EDEM2: variants seen among roughly 807,000 people sequenced by gnomAD.
EDEM2 encodes the protein ER degradation enhancing alpha-mannosidase like protein 2.
Under a neutral mutation model 64.8 loss-of-function variants are expected in EDEM2, and 39 were observed. That is an observed-to-expected ratio of 0.60 (90% CI 0.47 to 0.79). The LOEUF (loss-of-function observed/expected upper bound fraction) is 0.79, where lower values mean the gene tolerates loss of function less well. EDEM2 is among the 30% of genes least tolerant of loss of function. The pLI is 0.00. For missense variants in EDEM2, 609 were observed against 731.3 expected (o/e 0.83, Z 1.93); for synonymous variants, 296 against 291.5 (o/e 1.02, Z -0.16).
intron 2 of EDEM2, among the ~76,000 whole-genome samples, chr20:35,145,911 A>G (rs2085723606): frequency 6.7e-6 from 1 of 150,192 alleles, no homozygotes; most frequent in Admixed American, 6.7e-5. Flanking sequence ...CTGAGGCAGG[A>G]GAATCGCTTG....
chr20:35,125,750 A>G (rs769905307), intron 8 of EDEM2, among the ~76,000 whole-genome samples: 5 of 152,132 alleles, frequency 3.3e-5, no homozygotes, highest in Non-Finnish European at 5.9e-5. Context: ...TTTTTCTTAA[A>G]ACTTTTAAAA....
intron 5 of EDEM2, among the ~76,000 whole-genome samples, chr20:35,136,257 AAATG>A (rs2085574539): frequency 6.6e-6 from 1 of 152,204 alleles, no homozygotes; most frequent in African/African-American, 2.4e-5. Context: ...TTTTTTTATA[AAATG>A]ACCAATGACC....
rs147192518 is a variant in EDEM2, at chr20:35,127,171, G to A, written c.845-796C>T. ...CTGCACCATGTAAGATGTGCCTTTC[G>A]CCTTCCGCCACGATTGTGAGGCCTC... On this transcript the variant is annotated intron_variant, in intron 7 of 10. Coordinates refer to ENST00000374492, the MANE Select transcript of EDEM2 (RefSeq NM_018217.3). Among the ~76,000 whole-genome samples the A allele has an allele frequency of 6.5e-3, 995 of 152,178 alleles. 5 individuals carry two copies. The highest frequency in any genetic ancestry group is 0.023 in the African/African-American group (935 of 41,504).
intron 9 of EDEM2, among the ~76,000 whole-genome samples, chr20:35,119,316 C>A (rs1395764692): frequency 2.0e-5 from 3 of 152,152 alleles, no homozygotes; most frequent in Admixed American, 1.3e-4. Flanking sequence ...GCAGGCCAGG[C>A]ATGGTGGGTG....
At chr20:35,121,531 C>T (rs1419084141) in intron 9 of EDEM2, among the ~76,000 whole-genome samples, 6 of 152,210 alleles carry the variant, frequency 3.9e-5, no homozygotes, top group Non-Finnish European at 2.9e-5. Context: ...TTGTACCGGT[C>T]CACGGCCTGG....
At chr20:35,143,339 GTC>G (rs1297997405) in intron 3 of EDEM2, among the ~76,000 whole-genome samples, 1 of 152,160 alleles carries the variant, frequency 6.6e-6, no homozygotes, top group Non-Finnish European at 1.5e-5. Flanking sequence ...ATGGCTTTTA[GTC>G]TCTCTCTTTC....
chr20:35,118,820 A>G (rs2085337706), intron 9 of EDEM2, 101 bp from the exon 10 acceptor site: 5 of 1,512,640 alleles, frequency 3.3e-6, no homozygotes, highest in African/African-American at 1.4e-5. Flanking sequence ...TATCTTGTCC[A>G]TAAGGCCCCA....
At chr20:35,145,681 T>C (rs2085719708) in intron 2 of EDEM2, among the ~76,000 whole-genome samples, 1 of 152,138 alleles carries the variant, frequency 6.6e-6, no homozygotes, top group African/African-American at 2.4e-5. Flanking sequence ...GTGACAGAAG[T>C]GTTTCATATC....
In EDEM2 at chr20:35,115,528, G is replaced by C. The variant is rs1054777708; in HGVS notation, c.1642C>G (p.Pro548Ala). 2 of 1,614,030 alleles carry C rather than the reference G, an allele frequency of 1.2e-6. No individual in the cohort carries two copies. The highest frequency in any genetic ancestry group is 1.7e-5 in the Admixed American group (1 of 60,004). ...AGAAGTGGGACCTTCTGTTTGGCAGGCTTCCTCTCCCTTGCCTGGTCATGG... is the reference window on the plus strand; with the variant it reads ...AGAAGTGGGACCTTCTGTTTGGCAGCCTTCCTCTCCCTTGCCTGGTCATGG... ...ENHDQARERK[P>A]AKQKVPLLSC... The change falls in exon 11 of 11, where the codon CCT becomes GCT. Residue 548 changes from proline (P) to alanine (A), a missense_variant. Pro to Ala is a conservative substitution (Grantham distance 27). Transcript: ENST00000374492.
At position 35,123,980 on chromosome 20, in the gene EDEM2, CAGTGT is replaced by C; in HGVS notation, c.1019_1023del (p.Tyr340CysfsTer34). 6.2e-7 allele frequency: 1 copy of C among 1,614,166 alleles called. No homozygotes were observed. The highest frequency in any genetic ancestry group is 8.5e-7 in the Non-Finnish European group (1 of 1,180,004). On this transcript the variant is annotated frameshift_variant, in exon 9 of 11. Coordinates refer to ENST00000374492, the MANE Select transcript of EDEM2 (RefSeq NM_018217.3). LOFTEE classifies it high-confidence loss of function. Reference sequence around the variant, plus strand: ...GGGAGCCCCCCAAACTGCTTCCATACAGTGTAGTAGTTGAGGAAGGTCCTCATGGC... The same window carrying C: ...GGGAGCCCCCCAAACTGCTTCCATACAGTAGTTGAGGAAGGTCCTCATGGC...
At position 35,130,234 on chromosome 20, in the gene EDEM2, AT is replaced by A. The variant is rs1024939095; in HGVS notation, c.844+1407del. On this transcript the variant is annotated intron_variant, in intron 7 of 10. Transcript: ENST00000374492. ...AGGCACGCACCATCATGCCCAGCAAATTTTTTTTTATTTTTTGTAGAGACGA... is the reference window on the plus strand; with the variant it reads ...AGGCACGCACCATCATGCCCAGCAAATTTTTTTTATTTTTTGTAGAGACGA... Among the ~76,000 whole-genome samples, 258 of 151,254 alleles carry A rather than the reference AT, an allele frequency of 1.7e-3. 1 individual carries two copies. The highest frequency in any genetic ancestry group is 2.3e-3 in the Non-Finnish European group (158 of 67,720).
chr20:35,131,474 G>A (rs2085504119), intron 7 of EDEM2, among the ~76,000 whole-genome samples, 168 bp downstream of exon 7: 1 of 152,186 alleles, frequency 6.6e-6, no homozygotes, highest in African/African-American at 2.4e-5. Flanking sequence ...GCTGAGGCAT[G>A]AGAATCACTT....
chr20:35,125,448 A>G (rs6142302), intron 8 of EDEM2, among the ~76,000 whole-genome samples: 78,388 of 151,554 alleles, frequency 0.52, 22,689 homozygotes, highest in Admixed American at 0.68. Context: ...GCAGTGGCGC[A>G]ATCTCAGCTC....
At chr20:35,116,065 GA>G (rs939595678) in intron 10 of EDEM2, 132 bp from the exon 11 acceptor site, 3 of 948,548 alleles carry the variant, frequency 3.2e-6, no homozygotes, top group African/African-American at 3.3e-5. Context: ...GAACTTTTCA[GA>G]ACTTCACTCT....
At chr20:35,129,778 T>G (rs1314719298) in intron 7 of EDEM2, among the ~76,000 whole-genome samples, 3 of 152,176 alleles carry the variant, frequency 2.0e-5, no homozygotes, top group East Asian at 1.9e-4. Flanking sequence ...TGTACTGTAC[T>G]TTTTCTATGT....
At chr20:35,137,350 C>T (rs1266968970) in intron 5 of EDEM2, among the ~76,000 whole-genome samples, 1 of 152,066 alleles carries the variant, frequency 6.6e-6, no homozygotes, top group Non-Finnish European at 1.5e-5. Flanking sequence ...ACCCAGGAGG[C>T]GGTGGTTACA....
At chr20:35,144,922 A>G (rs376768875) in intron 3 of EDEM2, 57 bp downstream of exon 3, 2 of 1,579,222 alleles carry the variant, frequency 1.3e-6, no homozygotes, top group Admixed American at 1.7e-5. Flanking sequence ...CTGCCAAAAG[A>G]GGAAGGATGT....
chr20:35,128,199 G>A (rs11907271), intron 7 of EDEM2, among the ~76,000 whole-genome samples: 3,958 of 152,006 alleles, frequency 0.026, 188 homozygotes, highest in African/African-American at 0.091. Flanking sequence ...TGCCTAACAC[G>A]GTGAAACCCC....
chr20:35,122,920 C>A lies in EDEM2; in HGVS notation c.1114+970G>T, dbSNP rs1005919823. Among the ~76,000 whole-genome samples the A allele has an allele frequency of 6.6e-5, 10 of 152,296 alleles. No homozygotes were observed. The South Asian group carries it at 1.0e-3, about 16-fold the overall frequency. On this transcript the variant is annotated intron_variant, in intron 9 of 10. Transcript: ENST00000374492. ...GTGGGAAAGTGGGAAGTGTCTAAGA[C>A]AATGGGCTCATAGCCTGTTTTGGGG...
Sources: gnomAD v4.1 joint callset for allele counts (sites outside exome capture counted in the v4.1 genomes callset) on GRCh38, gnomAD v4.1.1 for gene constraint, MANE v1.5 for transcripts, NCBI Gene and HGNC (gene_info 2026-07-23, HGNC 2026-07-21) for gene names.